Variants in SGMS2 observed in about 807,000 individuals in gnomAD.
SGMS2 encodes the protein sphingomyelin synthase 2.
SGMS2 carries 21 observed loss-of-function variants against 43.8 expected under a neutral mutation model. The observed-to-expected ratio is 0.48, with a 90% CI of 0.34 to 0.69. The LOEUF is 0.69. Among genes scored for constraint, SGMS2 ranks in the 30% least tolerant of loss-of-function variants. The pLI, the probability that SGMS2 is intolerant of heterozygous loss-of-function variation, is 0.01. For missense variants in SGMS2, 384 were observed against 443.2 expected (o/e 0.87, Z 1.20); for synonymous variants, 167 against 160.6 (o/e 1.04, Z -0.30).
intron 2 of SGMS2, among the ~76,000 whole-genome samples, chr4:107,887,417 GTCATA>G (rs1209423443): frequency 6.6e-6 from 1 of 152,150 alleles, no homozygotes; most frequent in Non-Finnish European, 1.5e-5. Flanking sequence ...TGTACATTAA[GTCATA>G]TCAGAATTAT....
intron 2 of SGMS2, among the ~76,000 whole-genome samples, chr4:107,865,359 T>C (rs1309799180): frequency 6.6e-6 from 1 of 152,222 alleles, no homozygotes; most frequent in African/African-American, 2.4e-5. Flanking sequence ...CTTTAAACAT[T>C]AATGCTAATG....
At chr4:107,841,905 C>T (rs1388430143) in intron 1 of SGMS2, among the ~76,000 whole-genome samples, 6 of 151,998 alleles carry the variant, frequency 3.9e-5, no homozygotes, top group Admixed American at 3.9e-4. Flanking sequence ...CCTGCCTTGG[C>T]CTCTCAAAAT....
chr4:107,853,951 C>G (rs1264712211), intron 1 of SGMS2, among the ~76,000 whole-genome samples: 3 of 152,200 alleles, frequency 2.0e-5, no homozygotes, highest in African/African-American at 7.2e-5. Context: ...GCTCTCCTTC[C>G]TTGCAGAATG....
rs1222979509 is a variant in SGMS2, at chr4:107,895,589, T to C, written c.36T>C (p.His12=). The C allele has an allele frequency of 1.2e-6, 2 of 1,613,836 alleles. No individual in the cohort carries two copies. The highest frequency in any genetic ancestry group is 1.3e-5 in the African/African-American group (1 of 74,996). The change falls in exon 3 of 7, where the codon CAT becomes CAC. Residue 12 remains histidine (H), a synonymous_variant. Transcript: ENST00000690982. ...TAGAGACAGCAAAACTTGAAGAACA[T>C]TTGGAAAATCAACCCAGTGATCCTA... The part of the protein sequence containing the change: ...DIIETAKLEE[H]LENQPSDPTN...
At chr4:107,903,455 T>G in intron 5 of SGMS2, 69 bp downstream of exon 5, 1 of 1,440,404 alleles carries the variant, frequency 6.9e-7, no homozygotes, top group Non-Finnish European at 9.6e-7. Flanking sequence ...CTGAAATTGA[T>G]AGGAGCCCTT....
chr4:107,885,922 A>C (rs535144086), intron 2 of SGMS2, among the ~76,000 whole-genome samples: 1 of 152,302 alleles, frequency 6.6e-6, no homozygotes, highest in Admixed American at 6.5e-5. Context: ...AAATGTTCAG[A>C]ACTTATTTGA....
rs535045734 is a variant in SGMS2 at position 107,902,588 on chromosome 4, G to A, written c.574-645G>A. 2.0e-5 allele frequency among the ~76,000 whole-genome samples: 3 copies of A among 152,288 alleles called. No individual in the cohort carries two copies. In the South Asian group the frequency reaches 6.2e-4, roughly 32 times the overall value. On this transcript the variant is annotated intron_variant, in intron 4 of 6. Transcript: ENST00000690982. Reference sequence around the variant, plus strand: ...TTGCAGGGCTGCTGCACCTTGTCCAGAGGAGCTCTCCCAGCCTCCTGCCGT... The same window carrying A: ...TTGCAGGGCTGCTGCACCTTGTCCAAAGGAGCTCTCCCAGCCTCCTGCCGT...
rs201101875 is a variant in SGMS2, at chr4:107,825,620, C to CTT, written c.-327+387_-327+388dup. 9.1e-3 allele frequency among the ~76,000 whole-genome samples: 1,054 copies of CTT among 116,204 alleles called. 28 individuals are homozygous for CTT. The highest frequency in any genetic ancestry group is 0.026 in the African/African-American group (696 of 27,076). The allele number at this position is 116,204 out of a possible 152,430, so 76.2% of individuals were successfully genotyped here. A position where few individuals can be genotyped will look rare whatever the true frequency, so the allele number is the denominator to read the frequency against. On this transcript the variant is annotated intron_variant, in intron 1 of 6. Coordinates refer to ENST00000690982, the MANE Select transcript of SGMS2 (RefSeq NM_001375905.1). ...TGTGTGTGGTTTTTCTTTTCTTTCT[C>CTT]TTTTTTTTTTTTTTTTTTTTTGAGA...
Position 107,885,227 on chromosome 4 carries a change from A to ATT in SGMS2, c.-244-10073_-244-10072dup, listed in dbSNP as rs34938267. Reference sequence around the variant, plus strand: ...AGTTACACTGCTAGTGTTTTGTTACATTTTTTTTTTTAACTAAGCATGATT... The same window carrying ATT: ...AGTTACACTGCTAGTGTTTTGTTACATTTTTTTTTTTTTAACTAAGCATGATT... On this transcript the variant is annotated intron_variant, in intron 2 of 6. Transcript: ENST00000690982. Among the ~76,000 whole-genome samples, 405 of 150,070 alleles carry ATT rather than the reference A, an allele frequency of 2.7e-3. 4 individuals are homozygous for ATT. Among genetic ancestry groups the ATT allele is most frequent in the African/African-American group, 8.6e-3 (354 of 41,220 alleles).
Position 107,834,934 on chromosome 4 carries a change from C to A in SGMS2, c.-327+9681C>A, listed in dbSNP as rs1342470335. ...CATGTAGTCCCAGCTACTCAGGAAGCTGAGGCAGGTGAATCTCTTGAGCCC... is the reference window on the plus strand; with the variant it reads ...CATGTAGTCCCAGCTACTCAGGAAGATGAGGCAGGTGAATCTCTTGAGCCC... On this transcript the variant is annotated intron_variant, in intron 1 of 6. Coordinates refer to ENST00000690982, the MANE Select transcript of SGMS2 (RefSeq NM_001375905.1). Among the ~76,000 whole-genome samples the A allele has an allele frequency of 2.6e-5, 4 of 152,142 alleles. No homozygotes were observed. In the East Asian group the frequency reaches 7.7e-4, roughly 29 times the overall value.
chr4:107,901,960 G>A (rs1731147493), intron 4 of SGMS2, among the ~76,000 whole-genome samples: 1 of 150,690 alleles, frequency 6.6e-6, no homozygotes, highest in Non-Finnish European at 1.5e-5. Context: ...AGGCTAGAGT[G>A]CAATGGCGCA....
intron 2 of SGMS2, among the ~76,000 whole-genome samples, chr4:107,885,625 C>G (rs2126094425): frequency 6.6e-6 from 1 of 152,240 alleles, no homozygotes; most frequent in Admixed American, 6.5e-5. Flanking sequence ...TTCTACATCT[C>G]TACTTTTTAA....
intron 4 of SGMS2, among the ~76,000 whole-genome samples, chr4:107,900,162 T>A (rs1484128173): frequency 6.6e-6 from 1 of 152,102 alleles, no homozygotes. Flanking sequence ...GAAAGGGTGC[T>A]TGAGGGTTCT....
At chr4:107,874,412 C>T (rs10000815) in intron 2 of SGMS2, among the ~76,000 whole-genome samples, 106,941 of 152,074 alleles carry the variant, frequency 0.7, 38,288 homozygotes, top group African/African-American at 0.83. Context: ...GAGAAATGCG[C>T]CATTCCCTGA....
At chr4:107,872,232 A>G (rs113126162) in intron 2 of SGMS2, among the ~76,000 whole-genome samples, 5 of 152,202 alleles carry the variant, frequency 3.3e-5, no homozygotes, top group African/African-American at 1.2e-4. Flanking sequence ...CTTTCTGACA[A>G]TGGTTGTTCA....
chr4:107,874,910 G>A (rs1255115498), intron 2 of SGMS2, among the ~76,000 whole-genome samples: 1 of 152,088 alleles, frequency 6.6e-6, no homozygotes, highest in Admixed American at 6.6e-5. Flanking sequence ...CAAATTTGAA[G>A]AACATAAATC....
At chr4:107,887,578 G>A (rs1212830303) in intron 2 of SGMS2, among the ~76,000 whole-genome samples, 1 of 152,032 alleles carries the variant, frequency 6.6e-6, no homozygotes, top group Non-Finnish European at 1.5e-5. Context: ...TGGACTTTAG[G>A]GAACCTAATA....
In SGMS2 at chr4:107,895,564, TAG is replaced by T; in HGVS notation, c.15_16del (p.Glu5AspfsTer5). 6.2e-7 allele frequency: 1 copy of T among 1,613,366 alleles called. No individual in the cohort carries two copies. The highest frequency in any genetic ancestry group is 8.5e-7 in the Non-Finnish European group (1 of 1,179,590). On this transcript the variant is annotated frameshift_variant, in exon 3 of 7. Transcript: ENST00000690982. LOFTEE classifies it high-confidence loss of function. ...GAAGACTAGGGGACAATGGATATCA[TAG>T]AGACAGCAAAACTTGAAGAACATTT...
chr4:107,858,108 G>C (rs1207883829), intron 1 of SGMS2, among the ~76,000 whole-genome samples: 1 of 150,920 alleles, frequency 6.6e-6, no homozygotes, highest in Non-Finnish European at 1.5e-5. Context: ...GCCTTGCCCT[G>C]ACTCTGACTG....
Sources: gnomAD v4.1 joint callset for allele counts (sites outside exome capture counted in the v4.1 genomes callset) on GRCh38, gnomAD v4.1.1 for gene constraint, MANE v1.5 for transcripts, NCBI Gene and HGNC (gene_info 2026-07-23, HGNC 2026-07-21) for gene names.